ESPL1: variants seen among roughly 807,000 people sequenced by gnomAD.
ESPL1 encodes extra spindle pole bodies like 1, separase.
In ESPL1, 50 loss-of-function variants were observed where a neutral mutation model predicts 217.2. The ratio of observed to expected loss-of-function variants is 0.23; its 90% CI spans 0.18 to 0.29. The LOEUF is 0.29. Ranked by LOEUF, ESPL1 falls within the 10% of genes least tolerant of loss-of-function variation. The pLI, the probability that ESPL1 is intolerant of heterozygous loss-of-function variation, is 1.00. For synonymous variants in ESPL1, 994 were observed against 1,081.3 expected, an observed-to-expected ratio of 0.92 and a Z score of 1.58; for missense variants, 1,834 against 2,603.0, an observed-to-expected ratio of 0.70 and a Z score of 6.43.
At chr12:53,280,801 C>T (rs966143660) in intron 12 of ESPL1, among the ~76,000 whole-genome samples, 2 of 151,874 alleles carry the variant, frequency 1.3e-5, no homozygotes, top group Admixed American at 1.3e-4. Flanking sequence ...GGAGACCAGC[C>T]TGACCAACAT....
intron 11 of ESPL1, among the ~76,000 whole-genome samples, chr12:53,278,900 C>A (rs770283218): frequency 2.0e-5 from 3 of 150,972 alleles, no homozygotes; most frequent in South Asian, 2.1e-4. Context: ...GCCCCGCCCC[C>A]CCGCCGAGAT....
rs1943955919 is a variant in ESPL1 at position 53,286,779 on chromosome 12, A to G, written c.4043A>G (p.Lys1348Arg). 3.7e-6 allele frequency: 6 copies of G among 1,614,074 alleles called. No individual in the cohort carries two copies. Among genetic ancestry groups the G allele is most frequent in the Non-Finnish European group, 5.1e-6 (6 of 1,180,022 alleles). The stretch of plus-strand genomic sequence containing the variant: ...GGTAGAGGACTGCCCTGCACACCTA[A>G]ACCCCCAGACCGGATCAGGCAAGCT... ...LEGRGLPCTPKPPDRIRQAGP... is the reference protein window; with the variant it reads ...LEGRGLPCTPRPPDRIRQAGP... The change falls in exon 18 of 31, where the codon AAA becomes AGA. Residue 1348 changes from lysine (K) to arginine (R), a missense_variant. Transcript: ENST00000257934. This position sits in a 1 kb window ranked among gnomAD's most constrained non-coding sequence, Gnocchi z 5.3.
Position 53,272,778 on chromosome 12 carries a change from C to A in ESPL1, c.1427C>A (p.Ala476Asp). The A allele has an allele frequency of 6.2e-7, 1 of 1,614,152 alleles. No homozygotes were observed. The highest frequency in any genetic ancestry group is 8.5e-7 in the Non-Finnish European group (1 of 1,180,028). Residue 476 changes from alanine (A) to aspartate (D), a missense_variant, in exon 6 of 31, where the codon GCC becomes GAC. Around this residue, in one of 5 missense-constraint regions of ESPL1, gnomAD observed 746 missense variants for 1,077.0 expected, o/e 0.69. Transcript: ENST00000257934. ...TATAGTCACAAGCTCTATGCCGAGG[C>A]CTGTGCCATCTCTGAGCCGCTCTGT... is the stretch of plus-strand genomic sequence containing the variant. ...SFYSHKLYAE[A>D]CAISEPLCQH...
intron 22 of ESPL1, 117 bp downstream of exon 22, chr12:53,289,711 C>A: frequency 1.2e-6 from 1 of 826,904 alleles, no homozygotes; most frequent in Non-Finnish European, 1.9e-6. Flanking sequence ...ACCCTTATGT[C>A]ATACCTTTTC....
chr12:53,283,300 G>T, intron 15 of ESPL1, 43 bp downstream of exon 15: 3 of 1,613,096 alleles, frequency 1.9e-6, no homozygotes, highest in Non-Finnish European at 2.5e-6. Context: ...GAATGGACAG[G>T]CTATGTGAGA....
At position 53,286,855 on chromosome 12, in the gene ESPL1, C is replaced by G. The variant is rs1943957619; in HGVS notation, c.4119C>G (p.Ser1373Arg). Reference sequence around the variant, plus strand: ...TTGAGGAAGTCTGCCCTACAGAGAGCAAGCCTGAAGTACCCCAGGCCCCCA... The same window carrying G: ...TTGAGGAAGTCTGCCCTACAGAGAGGAAGCCTGAAGTACCCCAGGCCCCCA... Reference protein sequence around the residue: ...TVFEEVCPTESKPEVPQAPRV... With the variant: ...TVFEEVCPTERKPEVPQAPRV... The change falls in exon 18 of 31, where the codon AGC becomes AGG. Residue 1373 changes from serine to arginine, a missense_variant. Coordinates refer to ENST00000257934, the MANE Select transcript of ESPL1 (RefSeq NM_012291.5). This position sits in a 1 kb window ranked among gnomAD's most constrained non-coding sequence, Gnocchi z 5.3. 1 of 1,613,692 alleles carries G rather than the reference C, an allele frequency of 6.2e-7. No individual in the cohort carries two copies. The highest frequency in any genetic ancestry group is 1.3e-5 in the African/African-American group (1 of 74,926).
intron 20 of ESPL1, 38 bp from the exon 21 acceptor site, chr12:53,289,052 G>A (rs150755655): frequency 0.019 from 28,646 of 1,489,746 alleles, 430 homozygotes; most frequent in South Asian, 0.053. Flanking sequence ...TATGAAATAA[G>A]GAATTCAGCT....
intron 3 of ESPL1, 135 bp downstream of exon 3, chr12:53,270,220 C>A: frequency 1.0e-6 from 1 of 972,504 alleles, no homozygotes; most frequent in Non-Finnish European, 1.6e-6. Flanking sequence ...AGCGAGCCAG[C>A]AAACAGCCTA....
Position 53,269,623 on chromosome 12 carries a change from C to T in ESPL1, c.681C>T (p.His227=), listed in dbSNP as rs1458156253. The stretch of plus-strand genomic sequence containing the variant: ...TCCTAGATGACCTGCTCTCCAGGCA[C>T]GTGATCAGAGCCTTGGTGGGTGAGA... ...ADFLDDLLSR[H]VIRALVGERG... Residue 227 remains histidine, a synonymous_variant, in exon 3 of 31, where the codon CAC becomes CAT. Transcript: ENST00000257934. The surrounding 1 kb of genome is among the most constrained non-coding windows in gnomAD (Gnocchi z 6.7). The T allele has an allele frequency of 6.8e-6, 11 of 1,614,090 alleles. No individual in the cohort carries two copies. The highest frequency in any genetic ancestry group is 6.7e-5 in the African/African-American group (5 of 74,936).
chr12:53,290,575 C>G, intron 24 of ESPL1, 106 bp downstream of exon 24: 5 of 1,233,848 alleles, frequency 4.1e-6, no homozygotes, highest in Non-Finnish European at 4.6e-6. Context: ...CACTTCAAAT[C>G]CCTTCTGGAA....
Position 53,292,033 on chromosome 12 carries a change from C to G in ESPL1, c.5741C>G (p.Pro1914Arg), listed in dbSNP as rs181361598. ...AGCATGCCCAGCCTCCAAGCACTGC[C>G]TGTCACCCGGCTGCCCTCCTTCCGC... is the stretch of plus-strand genomic sequence containing the variant. ...WESMPSLQAL[P>R]VTRLPSFRFL... The change falls in exon 27 of 31, where the codon CCT becomes CGT. Residue 1914 changes from proline (P) to arginine (R), a missense_variant. This residue lies in a region of ESPL1 where 295 missense variants were observed against 519.8 expected (regional missense o/e 0.57). Transcript: ENST00000257934. The surrounding 1 kb of genome is among the most constrained non-coding windows in gnomAD (Gnocchi z 4.5). 1.2e-6 allele frequency: 2 copies of G among 1,614,174 alleles called. No individual in the cohort carries two copies. Among genetic ancestry groups the G allele is most frequent in the East Asian group, 2.2e-5 (1 of 44,884 alleles).
At chr12:53,280,704 G>A (rs1452529426) in intron 12 of ESPL1, among the ~76,000 whole-genome samples, 1 of 152,056 alleles carries the variant, frequency 6.6e-6, no homozygotes, top group African/African-American at 2.4e-5. Context: ...TCTAAAAGTG[G>A]TTAACCAGGC....
intron 12 of ESPL1, 44 bp from the exon 13 acceptor site, chr12:53,281,463 A>G: frequency 6.2e-7 from 1 of 1,601,876 alleles, no homozygotes; most frequent in Non-Finnish European, 8.5e-7. Context: ...TTGTTTGAAG[A>G]GCCTGGCTGC....
At position 53,277,219 on chromosome 12, in the gene ESPL1, A is replaced by C. The variant is rs149801859; in HGVS notation, c.2077A>C (p.Met693Leu). The C allele has an allele frequency of 1.2e-6, 2 of 1,607,866 alleles. No individual in the cohort carries two copies. Among genetic ancestry groups the C allele is most frequent in the Admixed American group, 3.3e-5 (2 of 59,892 alleles). Residue 693 changes from methionine (M) to leucine (L), a missense_variant, in exon 9 of 31, where the codon ATG (methionine) becomes CTG (leucine). This residue lies in a region of ESPL1 where 746 missense variants were observed against 1,077.0 expected (regional missense o/e 0.69). Transcript: ENST00000257934. Reference protein sequence around the residue: ...WLYICTLEAKMQEGIERDRRA... With the variant: ...WLYICTLEAKLQEGIERDRRA... ...TTACATCTGTACTCTGGAAGCCAAA[A>C]TGCAGGAAGTGAGTGTGGCTGCTGT...
Position 53,282,422 on chromosome 12 carries a change from G to T in ESPL1, c.2778G>T (p.Gln926His), listed in dbSNP as rs1943877960. ...ACCTCTCACACTCCCTGTGGGAGCA[G>T]CTCTGTGCCCAAGGTGAAAGAATAG... ...SNNLSHSLWE[Q>H]LCAQGWQTPE... The change falls in exon 14 of 31, where the codon CAG becomes CAT. Residue 926 changes from glutamine to histidine, a missense_variant. Physicochemically the swap from Gln to His is conservative, Grantham distance 24 (BLOSUM62 0). This residue lies in a region of ESPL1 where 107 missense variants were observed against 171.7 expected (regional missense o/e 0.62). Transcript: ENST00000257934. This position sits in a 1 kb window ranked among gnomAD's most constrained non-coding sequence, Gnocchi z 4.0. 1.2e-6 allele frequency: 2 copies of T among 1,613,958 alleles called. No individual in the cohort carries two copies. Among genetic ancestry groups the T allele is most frequent in the African/African-American group, 1.3e-5 (1 of 74,924 alleles).
intron 10 of ESPL1, 22 bp downstream of exon 10, chr12:53,277,630 G>C: frequency 6.2e-7 from 1 of 1,612,052 alleles, no homozygotes; most frequent in Non-Finnish European, 8.5e-7. Context: ...ATGGAGTGTG[G>C]CATGGGCATC....
chr12:53,280,312 G>A (rs1049663159), intron 12 of ESPL1, among the ~76,000 whole-genome samples: 4 of 152,168 alleles, frequency 2.6e-5, no homozygotes, highest in East Asian at 1.9e-4. Context: ...ACTTGCCAGC[G>A]CTTACGGCTG....
At position 53,286,679 on chromosome 12, in the gene ESPL1, C is replaced by T. The variant is rs756987531; in HGVS notation, c.3943C>T (p.Arg1315Cys). 7 of 1,614,036 alleles carry T rather than the reference C, an allele frequency of 4.3e-6. No homozygotes were observed. Among genetic ancestry groups the T allele is most frequent in the East Asian group, 4.5e-5 (2 of 44,902 alleles). Residue 1315 changes from arginine (R) to cysteine (C), a missense_variant, in exon 18 of 31, where the codon CGT (arginine) becomes TGT (cysteine). This residue lies in a region of ESPL1 where 681 missense variants were observed against 808.0 expected (regional missense o/e 0.84). Coordinates refer to ENST00000257934, the MANE Select transcript of ESPL1 (RefSeq NM_012291.5). This position sits in a 1 kb window ranked among gnomAD's most constrained non-coding sequence, Gnocchi z 5.3. ...SEPSKTQGQK[R>C]SGRGRQKLAS... ...GCCCTCTAAGACTCAGGGCCAAAAA[C>T]GTTCTGGACGAGGGCGCCAAAAGTT...
chr12:53,283,279 GGGCCCTCTT>G (rs1943894235), intron 15 of ESPL1, 22 bp downstream of exon 15: 3 of 1,614,042 alleles, frequency 1.9e-6, no homozygotes, highest in Non-Finnish European at 2.5e-6. Flanking sequence ...GAGGACAGCA[GGGCCCTCTT>G]GGAATGGACA....
Sources: allele counts gnomAD v4.1 joint callset (sites outside exome capture counted in the v4.1 genomes callset), GRCh38; gene constraint gnomAD v4.1.1; regional missense constraint gnomAD v4.1.1; non-coding constraint Gnocchi (gnomAD v3.1); transcripts MANE v1.5; gene names NCBI Gene and HGNC (gene_info 2026-07-23, HGNC 2026-07-21).